The following FUT8 variants were observed in gnomAD, a reference collection of about 807,000 sequenced individuals.
The protein encoded by FUT8 is fucosyltransferase 8.
FUT8 carries 29 observed loss-of-function variants against 71.3 expected under a neutral mutation model. The observed-to-expected ratio is 0.41, with a 90% CI of 0.30 to 0.55. The LOEUF (loss-of-function observed/expected upper bound fraction) is 0.55. FUT8 is among the 20% of genes least tolerant of loss of function. FUT8 has a pLI of 0.34. For missense variants in FUT8, 544 were observed against 702.1 expected (o/e 0.77, Z 2.55); for synonymous variants, 254 against 239.3 (o/e 1.06, Z -0.57).
At chr14:65,507,947 A>C (rs1255994283) in intron 2 of FUT8, among the ~76,000 whole-genome samples, 1 of 151,980 alleles carries the variant, frequency 6.6e-6, no homozygotes, top group Admixed American at 6.6e-5. Context: ...TCTTTTTTCC[A>C]CATCTTTGCC....
chr14:65,451,050 G>T (rs2065816186), intron 1 of FUT8, among the ~76,000 whole-genome samples: 1 of 152,042 alleles, frequency 6.6e-6, no homozygotes, highest in Non-Finnish European at 1.5e-5. Flanking sequence ...TAGAGACGAG[G>T]TTTTGCCGTG....
chr14:65,544,140 A>T (rs1260427746), intron 2 of FUT8, among the ~76,000 whole-genome samples: 1 of 152,188 alleles, frequency 6.6e-6, no homozygotes, highest in African/African-American at 2.4e-5. Context: ...AATGAGCCAA[A>T]GGTGGAAGGA....
chr14:65,470,724 G>T (rs1269050733), intron 2 of FUT8, among the ~76,000 whole-genome samples: 5 of 152,110 alleles, frequency 3.3e-5, no homozygotes, highest in African/African-American at 1.2e-4. Flanking sequence ...TGAGGCCCAG[G>T]AACCTGGCAC....
At position 65,643,832 on chromosome 14, in the gene FUT8, T is replaced by A. The variant is rs1468043070; in HGVS notation, c.597+14226T>A. 2.6e-5 allele frequency among the ~76,000 whole-genome samples: 4 copies of A among 152,178 alleles called. No homozygotes were observed. Among genetic ancestry groups the A allele is most frequent in the African/African-American group, 9.7e-5 (4 of 41,434 alleles). On this transcript the variant is annotated intron_variant, in intron 6 of 10. Transcript: ENST00000673929. The surrounding 1 kb of genome is among the most constrained non-coding windows in gnomAD (Gnocchi z 4.5). ...TATACGTTGAACTTAAATTCAAATT[T>A]CTTTAATTTAGGTATATCAGCCCAA...
At chr14:65,631,617 TC>T (rs1021889513) in intron 6 of FUT8, among the ~76,000 whole-genome samples, 21 of 146,566 alleles carry the variant, frequency 1.4e-4, no homozygotes, top group South Asian at 4.4e-4. Context: ...TTTTCCTTTT[TC>T]CCCCCATTGG....
intron 1 of FUT8, among the ~76,000 whole-genome samples, chr14:65,427,548 TA>T (rs2065408455): frequency 6.6e-6 from 1 of 152,256 alleles, no homozygotes; most frequent in African/African-American, 2.4e-5. Context: ...TTTTTTCATA[TA>T]CCAATTGGCC....
intron 1 of FUT8, among the ~76,000 whole-genome samples, chr14:65,441,741 G>C (rs529312545): frequency 7.2e-4 from 68 of 94,950 alleles, no homozygotes; most frequent in African/African-American, 2.6e-3. Flanking sequence ...GACAGAGTGA[G>C]ATTCCATCTC....
At position 65,429,087 on chromosome 14, in the gene FUT8, A is replaced by G. The variant is rs149580502; in HGVS notation, c.-326+15873A>G. On this transcript the variant is annotated intron_variant, in intron 1 of 10. Coordinates refer to ENST00000673929, the MANE Select transcript of FUT8 (RefSeq NM_001371533.1). ...TGTGTGTTTGTAACAGGAGTAGACAATTGACTGAGTAGGCTGGTGTCAGGT... is the reference window on the plus strand; with the variant it reads ...TGTGTGTTTGTAACAGGAGTAGACAGTTGACTGAGTAGGCTGGTGTCAGGT... 8.0e-3 allele frequency among the ~76,000 whole-genome samples: 1,213 copies of G among 152,326 alleles called. 10 individuals carry two copies. The highest frequency in any genetic ancestry group is 0.012 in the Non-Finnish European group (794 of 68,018).
intron 7 of FUT8, among the ~76,000 whole-genome samples, chr14:65,719,409 C>G (rs1473547308): frequency 6.6e-6 from 1 of 152,090 alleles, no homozygotes; most frequent in Non-Finnish European, 1.5e-5. Flanking sequence ...TTTGAATTCC[C>G]TCTCTGAAAG....
intron 2 of FUT8, among the ~76,000 whole-genome samples, chr14:65,493,530 A>G: frequency 6.6e-6 from 1 of 152,148 alleles, no homozygotes. Context: ...TTAGCACTGA[A>G]GTCTCAGGTA....
chr14:65,558,961 ATATAG>A (rs1336280164), intron 2 of FUT8, among the ~76,000 whole-genome samples: 3 of 152,172 alleles, frequency 2.0e-5, no homozygotes, highest in Non-Finnish European at 4.4e-5. Flanking sequence ...TTGATATATA[ATATAG>A]TAATTTAATC....
chr14:65,718,991 T>G (rs1477962693), intron 7 of FUT8, among the ~76,000 whole-genome samples: 3 of 152,234 alleles, frequency 2.0e-5, no homozygotes, highest in Non-Finnish European at 4.4e-5. Flanking sequence ...TGTACTTGAA[T>G]ATTGATATCT....
chr14:65,505,194 C>T (rs1363085695), intron 2 of FUT8, among the ~76,000 whole-genome samples: 1 of 150,466 alleles, frequency 6.6e-6, no homozygotes, highest in African/African-American at 2.5e-5. Context: ...CCTGATTAGT[C>T]TTAATTTTTT....
intron 7 of FUT8, among the ~76,000 whole-genome samples, chr14:65,717,221 G>A (rs1329090298): frequency 2.8e-5 from 3 of 107,410 alleles, no homozygotes; most frequent in African/African-American, 3.7e-5. Flanking sequence ...CCTCCCAGAC[G>A]GGGCGGCCGG....
intron 2 of FUT8, among the ~76,000 whole-genome samples, chr14:65,507,992 C>T (rs1364208337): frequency 6.6e-6 from 1 of 151,860 alleles, no homozygotes; most frequent in Admixed American, 6.6e-5. Context: ...GGATAAAAGC[C>T]ATTTTAACTG....
chr14:65,485,543 A>G (rs1460733610), intron 2 of FUT8, among the ~76,000 whole-genome samples: 1 of 152,206 alleles, frequency 6.6e-6, no homozygotes, highest in African/African-American at 2.4e-5. Context: ...GCTGGTAGTA[A>G]CAGGCAATAT....
At chr14:65,497,174 G>A (rs558895300) in intron 2 of FUT8, among the ~76,000 whole-genome samples, 67 of 152,194 alleles carry the variant, frequency 4.4e-4, no homozygotes, top group African/African-American at 1.1e-3. Flanking sequence ...TCCAGTAACC[G>A]GTTGCTATTA....
chr14:65,402,201 T>A, the FUT8 span, among the ~76,000 whole-genome samples: 2 of 142,648 alleles, frequency 1.4e-5, no homozygotes, highest in Non-Finnish European at 3.1e-5. Context: ...GTGTGATTTT[T>A]TTTTTTTTTT....
chr14:65,494,953 A>G (rs986594029), intron 2 of FUT8, among the ~76,000 whole-genome samples: 7 of 152,000 alleles, frequency 4.6e-5, no homozygotes, highest in African/African-American at 1.7e-4. Flanking sequence ...AATTTCTGCT[A>G]TCGTAGTTCT....
Sources: allele counts gnomAD v4.1 joint callset (sites outside exome capture counted in the v4.1 genomes callset), GRCh38; gene constraint gnomAD v4.1.1; non-coding constraint Gnocchi (gnomAD v3.1); transcripts MANE v1.5; gene names NCBI Gene and HGNC (gene_info 2026-07-23, HGNC 2026-07-21).